CD2AP: variants seen among roughly 807,000 people sequenced by gnomAD.
CD2AP encodes CD2 associated protein.
In CD2AP, 46 loss-of-function variants were observed where a neutral mutation model predicts 85.1. The observed-to-expected ratio is 0.54, with a 90% CI of 0.43 to 0.69. The LOEUF (loss-of-function observed/expected upper bound fraction) is 0.69. Among genes scored for constraint, CD2AP ranks in the 30% least tolerant of loss-of-function variants. CD2AP has a pLI of 0.00. For missense variants in CD2AP, 769 were observed against 729.5 expected (o/e 1.05, Z -0.62); for synonymous variants, 255 against 252.9 (o/e 1.01, Z -0.08).
rs770750324 is a variant in CD2AP at position 47,503,266 on chromosome 6, TC to T, written c.5-9del. 6.2e-7 allele frequency: 1 copy of T among 1,612,294 alleles called. No individual in the cohort carries two copies. Among genetic ancestry groups the T allele is most frequent in the African/African-American group, 1.3e-5 (1 of 74,878 alleles). On this transcript the variant is annotated splice_polypyrimidine_tract_variant and intron_variant, in intron 1 of 17. Coordinates refer to ENST00000359314, the MANE Select transcript of CD2AP (RefSeq NM_012120.3). The stretch of plus-strand genomic sequence containing the variant: ...ATTAGATTTTAGACATTTCGTTTTT[TC>T]CCCCTTTTTTAGTTGACTATATTGT...
intron 11 of CD2AP, 144 bp downstream of exon 11, chr6:47,582,209 A>G: frequency 1.6e-6 from 1 of 643,492 alleles, no homozygotes; most frequent in Non-Finnish European, 2.9e-6. Flanking sequence ...GTTTTCTGGG[A>G]GGGAGTAGTT....
chr6:47,511,595 T>C (rs770690051), intron 2 of CD2AP, among the ~76,000 whole-genome samples: 3 of 152,244 alleles, frequency 2.0e-5, no homozygotes, highest in Non-Finnish European at 2.9e-5. Flanking sequence ...ATTAAGAGTG[T>C]GGGAACTTTC....
chr6:47,619,285 C>T (rs1769681545), intron 17 of CD2AP, among the ~76,000 whole-genome samples: 1 of 151,554 alleles, frequency 6.6e-6, no homozygotes, highest in South Asian at 2.1e-4. Flanking sequence ...TTTGCTTCCT[C>T]ATAGCTTAGC....
At chr6:47,527,181 A>G (rs78964975) in intron 2 of CD2AP, among the ~76,000 whole-genome samples, 2,378 of 152,264 alleles carry the variant, frequency 0.016, 44 homozygotes, top group African/African-American at 0.038. Flanking sequence ...TGAAGAGGTC[A>G]TGTTCATCAG....
At chr6:47,561,416 G>C (rs1030614683) in intron 5 of CD2AP, among the ~76,000 whole-genome samples, 4 of 151,702 alleles carry the variant, frequency 2.6e-5, no homozygotes, top group Admixed American at 2.0e-4. Flanking sequence ...GATATTCCAA[G>C]CTCATTTTGA....
chr6:47,548,856 C>T (rs898870410), intron 4 of CD2AP, among the ~76,000 whole-genome samples: 6 of 152,042 alleles, frequency 3.9e-5, no homozygotes, highest in Non-Finnish European at 7.4e-5. Flanking sequence ...TAATACACCA[C>T]GATCAAGTGG....
At chr6:47,594,039 A>G (rs1459187622) in intron 11 of CD2AP, among the ~76,000 whole-genome samples, 1 of 152,148 alleles carries the variant, frequency 6.6e-6, no homozygotes, top group Admixed American at 6.6e-5. Flanking sequence ...GAAGCCAGAC[A>G]CAAAGATAAT....
intron 1 of CD2AP, among the ~76,000 whole-genome samples, chr6:47,500,733 G>A (rs1456464053): frequency 6.6e-6 from 1 of 151,022 alleles, no homozygotes; most frequent in Non-Finnish European, 1.5e-5. Context: ...GTCTGCAGGA[G>A]GCCATTCCTT....
chr6:47,548,966 C>G (rs977397694), intron 4 of CD2AP, among the ~76,000 whole-genome samples: 9 of 152,216 alleles, frequency 5.9e-5, no homozygotes, highest in African/African-American at 2.2e-4. Flanking sequence ...ATGATCATCT[C>G]AATAGATGCA....
chr6:47,608,166 G>A, intron 15 of CD2AP, 138 bp downstream of exon 15: 1 of 688,356 alleles, frequency 1.5e-6, no homozygotes, highest in Non-Finnish European at 2.6e-6. Context: ...AAAAAATTGA[G>A]TTGTTTAGCT....
intron 2 of CD2AP, among the ~76,000 whole-genome samples, chr6:47,505,587 ACCTCCCGGACGGGGCGG>A (rs1766124802): frequency 1.6e-5 from 2 of 122,494 alleles, no homozygotes; most frequent in African/African-American, 3.1e-5. Context: ...GGCGCCCCTC[ACCTCCCGGACGGGGCGG>A]CTGGCCGGGC....
At chr6:47,602,720 T>C (rs1769172429) in intron 13 of CD2AP, among the ~76,000 whole-genome samples, 1 of 149,136 alleles carries the variant, frequency 6.7e-6, no homozygotes, top group South Asian at 2.2e-4. Context: ...TGAGACCGTG[T>C]CTCTACAGAA....
intron 3 of CD2AP, among the ~76,000 whole-genome samples, chr6:47,536,122 A>G (rs1211396849): frequency 3.9e-5 from 6 of 152,252 alleles, no homozygotes; most frequent in South Asian, 2.1e-4. Flanking sequence ...TGCAAGGACT[A>G]TATTGGTTAT....
intron 11 of CD2AP, among the ~76,000 whole-genome samples, chr6:47,586,824 C>G (rs1768642813): frequency 6.6e-6 from 1 of 152,048 alleles, no homozygotes; most frequent in Admixed American, 6.6e-5. Context: ...GAACTGTTCA[C>G]TGGAATGACT....
intron 6 of CD2AP, among the ~76,000 whole-genome samples, chr6:47,575,006 T>C (rs1201964126): frequency 1.3e-5 from 2 of 152,230 alleles, no homozygotes; most frequent in East Asian, 3.8e-4. Flanking sequence ...GTTTTGGTTA[T>C]TGAGATACTA....
At chr6:47,514,987 G>C (rs935319807) in intron 2 of CD2AP, among the ~76,000 whole-genome samples, 1 of 151,872 alleles carries the variant, frequency 6.6e-6, no homozygotes, top group Admixed American at 6.6e-5. Flanking sequence ...AGGAGGCGGA[G>C]GTTGCAGTGA....
At chr6:47,618,188 T>C (rs1188649829) in intron 17 of CD2AP, among the ~76,000 whole-genome samples, 1 of 151,990 alleles carries the variant, frequency 6.6e-6, no homozygotes, top group African/African-American at 2.4e-5. Flanking sequence ...GGCATGGTGG[T>C]ACACACCTGT....
chr6:47,535,586 A>C (rs1009033780), intron 3 of CD2AP, among the ~76,000 whole-genome samples: 5 of 152,194 alleles, frequency 3.3e-5, no homozygotes, highest in African/African-American at 9.7e-5. Flanking sequence ...CTAGGGTTCT[A>C]TTTGTTCTTT....
intron 13 of CD2AP, among the ~76,000 whole-genome samples, chr6:47,605,397 A>G (rs1338781589): frequency 1.3e-5 from 2 of 152,016 alleles, no homozygotes; most frequent in African/African-American, 4.8e-5. Flanking sequence ...ATTATATATC[A>G]TTGTTGTAGA....
Sources: allele counts gnomAD v4.1 joint callset (sites outside exome capture counted in the v4.1 genomes callset), GRCh38; gene constraint gnomAD v4.1.1; transcripts MANE v1.5; gene names NCBI Gene and HGNC (gene_info 2026-07-23, HGNC 2026-07-21).